The following FAM120AOS variants were observed in gnomAD, a reference collection of about 807,000 sequenced individuals.
FAM120AOS encodes the protein uncharacterized protein FAM120AOS.
FAM120AOS carries 15 observed loss-of-function variants against 20.2 expected under a neutral mutation model. The observed-to-expected ratio is 0.74, with a 90% confidence interval of 0.50 to 1.15. The LOEUF (loss-of-function observed/expected upper bound fraction) is 1.15, where lower values mean the gene tolerates loss of function less well. Ranked by LOEUF, FAM120AOS falls within the 50% of genes most tolerant of loss-of-function variation. FAM120AOS has a pLI of 0.00. For synonymous variants in FAM120AOS, 154 were observed against 154.0 expected (o/e 1.00, Z 0.00); for missense variants, 327 against 351.9 (o/e 0.93, Z 0.57).
chr9:93,452,957 A>G lies in FAM120AOS; in HGVS notation c.-248T>C. ...GGGCCAGTGCCCTGGCCTCTACTTC[A>G]GAACGCAGTGCCCTGTCCGTGTTCC... On this transcript the variant is annotated 5_prime_UTR_variant, in exon 1 of 3. Coordinates refer to ENST00000375412, the MANE Select transcript of FAM120AOS (RefSeq NM_198841.4). The surrounding 1 kb of genome is among the most constrained non-coding windows in gnomAD (Gnocchi z 7.0). The G allele has an allele frequency of 7.2e-7, 1 of 1,381,334 alleles. No homozygotes were observed. The highest frequency in any genetic ancestry group is 2.9e-5 in the East Asian group (1 of 34,800). The allele number at this position is 1,381,334 out of a possible 1,614,324, so 85.6% of individuals were successfully genotyped here. A position where few individuals can be genotyped will look rare whatever the true frequency, so the allele number is the denominator to read the frequency against.
Position 93,452,218 on chromosome 9 carries a change from G to A in FAM120AOS, c.492C>T (p.Phe164=), listed in dbSNP as rs1416988256. Reference sequence around the variant, plus strand: ...TCGTCTTCTTCAACGGCGCGCTCGAGAAGGCCCGGCTGCACGAGTGGGTCA... The same window carrying A: ...TCGTCTTCTTCAACGGCGCGCTCGAAAAGGCCCGGCTGCACGAGTGGGTCA... ...CRLTHSCSRA[F]SSAPLKKTKS... Residue 164 remains phenylalanine, a synonymous_variant, in exon 1 of 3, where the codon TTC becomes TTT. Coordinates refer to ENST00000375412, the MANE Select transcript of FAM120AOS (RefSeq NM_198841.4). This position sits in a 1 kb window ranked among gnomAD's most constrained non-coding sequence, Gnocchi z 7.0. 3 of 1,611,518 alleles carry A rather than the reference G, an allele frequency of 1.9e-6. No individual in the cohort carries two copies. Among genetic ancestry groups the A allele is most frequent in the African/African-American group, 2.7e-5 (2 of 74,994 alleles).
Position 93,452,676 on chromosome 9 carries a change from T to C in FAM120AOS, c.34A>G (p.Thr12Ala), listed in dbSNP as rs1301725385. The change falls in exon 1 of 3, where the codon ACT (threonine) becomes GCT (alanine). Residue 12 changes from threonine to alanine, a missense_variant. Coordinates refer to ENST00000375412, the MANE Select transcript of FAM120AOS (RefSeq NM_198841.4). The surrounding 1 kb of genome is among the most constrained non-coding windows in gnomAD (Gnocchi z 7.0). ...GKTKDIGDDD[T>A]VASEFWSGAL... ...CCGGACCAGAATTCGGAGGCGACAG[T>C]GTCATCATCCCCAATATCCTTAGTT... 1 of 1,598,794 alleles carries C rather than the reference T, an allele frequency of 6.3e-7. No individual in the cohort carries two copies. Among genetic ancestry groups the C allele is most frequent in the Non-Finnish European group, 8.5e-7 (1 of 1,179,894 alleles).
rs1409059579 is a variant in FAM120AOS at position 93,446,474 on chromosome 9, T to C, written c.*1137A>G. 4 of 149,298 alleles carry C rather than the reference T, an allele frequency of 2.7e-5. No individual in the cohort carries two copies. The highest frequency in any genetic ancestry group is 9.9e-5 in the African/African-American group (4 of 40,598). The allele number at this position is 149,298 out of a possible 1,614,324, so 9.2% of individuals were successfully genotyped here. The stretch of plus-strand genomic sequence containing the variant: ...CTTTATACTTACGGGAATTCCTAAT[T>C]AAAAAAAAAACTCACTTGATTTATA... On this transcript the variant is annotated 3_prime_UTR_variant, in exon 3 of 3. Transcript: ENST00000375412.
rs1232443622 is a variant in FAM120AOS, at chr9:93,452,619, G to C, written c.91C>G (p.Arg31Gly). Reference protein sequence around the residue: ...ALSQPSSVPTRPRTPNRDSWR... With the variant: ...ALSQPSSVPTGPRTPNRDSWR... ...CTGTCCCTGTTCGGGGTCCGCGGCC[G>C]CGTGGGGACACTTGAGGGCTGGGAG... is the stretch of plus-strand genomic sequence containing the variant. Residue 31 changes from arginine to glycine, a missense_variant, in exon 1 of 3, where the codon CGG becomes GGG. By Grantham distance (125) the Arg-to-Gly change is moderately radical. Transcript: ENST00000375412. The surrounding 1 kb of genome is among the most constrained non-coding windows in gnomAD (Gnocchi z 7.0). 2.5e-6 allele frequency: 4 copies of C among 1,599,128 alleles called. No homozygotes were observed. The highest frequency in any genetic ancestry group is 3.4e-6 in the Non-Finnish European group (4 of 1,179,858).
At chr9:93,451,249 A>AGAGT (rs1857163967) in intron 1 of FAM120AOS, 1 of 1,509,176 alleles carries the variant, frequency 6.6e-7, no homozygotes, top group South Asian at 1.2e-5. Context: ...CCCGACGAAC[A>AGAGT]GAGTGACTCG....
chr9:93,444,465 C>A lies in FAM120AOS; in HGVS notation c.*3146G>T, dbSNP rs551543196. Among the ~76,000 whole-genome samples, 4 of 152,300 alleles carry A rather than the reference C, an allele frequency of 2.6e-5. No homozygotes were observed. Among genetic ancestry groups the A allele is most frequent in the East Asian group, 3.9e-4 (2 of 5,190 alleles). On this transcript the variant is annotated 3_prime_UTR_variant, in exon 3 of 3. Coordinates refer to ENST00000375412, the MANE Select transcript of FAM120AOS (RefSeq NM_198841.4). ...TTTACCAGAATGTTTTAAGAAAGTT[C>A]CAGACTGTTTTCCCATCAGCTGTGT...
At chr9:93,448,912 T>C (rs189284929) in intron 2 of FAM120AOS, among the ~76,000 whole-genome samples, 3,617 of 152,164 alleles carry the variant, frequency 0.024, 71 homozygotes, top group Middle Eastern at 0.031. Context: ...CGTGAGCCAC[T>C]GCGCCCGGCC....
rs1324702496 is a variant in FAM120AOS, at chr9:93,446,301, A to G, written c.*1310T>C. On this transcript the variant is annotated 3_prime_UTR_variant, in exon 3 of 3. Coordinates refer to ENST00000375412, the MANE Select transcript of FAM120AOS (RefSeq NM_198841.4). ...AGACTCCTCAGAGGAAGTCAGCTTC[A>G]TGTGATCTAGGTTACTCAAGCCTGG... is the stretch of plus-strand genomic sequence containing the variant. Among the ~76,000 whole-genome samples the G allele has an allele frequency of 6.6e-6, 1 of 152,188 alleles. No individual in the cohort carries two copies. The highest frequency in any genetic ancestry group is 1.5e-5 in the Non-Finnish European group (1 of 68,034).
rs940049497 is a variant in FAM120AOS, at chr9:93,449,306, T to C, written c.684+1173A>G. Among the ~76,000 whole-genome samples, 4 of 152,138 alleles carry C rather than the reference T, an allele frequency of 2.6e-5. No homozygotes were observed. The South Asian group carries it at 6.2e-4, about 24-fold the overall frequency. On this transcript the variant is annotated intron_variant, in intron 2 of 2. Coordinates refer to ENST00000375412, the MANE Select transcript of FAM120AOS (RefSeq NM_198841.4). ...TAATCCTTATAACAACCTGGGAGGT[T>C]AAGTACTATTAATATGTTGATTTTA... is the stretch of plus-strand genomic sequence containing the variant.
chr9:93,448,098 A>C (rs1202971906), intron 2 of FAM120AOS, among the ~76,000 whole-genome samples: 1 of 152,214 alleles, frequency 6.6e-6, no homozygotes, highest in African/African-American at 2.4e-5. Context: ...TCTGCTAATG[A>C]TTACATGGGC....
intron 2 of FAM120AOS, among the ~76,000 whole-genome samples, chr9:93,449,996 T>G (rs1413564722): frequency 1.3e-5 from 2 of 152,162 alleles, no homozygotes; most frequent in Non-Finnish European, 2.9e-5. Flanking sequence ...ATTTATTTAT[T>G]TATTTTTGAG....
In FAM120AOS at chr9:93,452,855, T is replaced by G. The variant is rs988391811; in HGVS notation, c.-146A>C. 1.3e-6 allele frequency: 2 copies of G among 1,487,680 alleles called. No individual in the cohort carries two copies. The highest frequency in any genetic ancestry group is 1.4e-5 in the African/African-American group (1 of 70,892). 92.2% of individuals were successfully genotyped at this position (1,487,680 alleles called of 1,614,324 possible). On this transcript the variant is annotated 5_prime_UTR_variant, in exon 1 of 3. Transcript: ENST00000375412. This position sits in a 1 kb window ranked among gnomAD's most constrained non-coding sequence, Gnocchi z 7.0. Reference sequence around the variant, plus strand: ...ATAGAGGGGGTTTCGCCAGAGCCCTTGGGGGCTGCAAATATCAGTGCTGCT... The same window carrying G: ...ATAGAGGGGGTTTCGCCAGAGCCCTGGGGGGCTGCAAATATCAGTGCTGCT...
chr9:93,444,345 A>T lies in FAM120AOS; in HGVS notation c.*3266T>A, dbSNP rs1271489687. Reference sequence around the variant, plus strand: ...GTGAGCCACCGTGTCCAGCCTGACTAGGGTCATCTTTAGGTCAGGACTGAG... The same window carrying T: ...GTGAGCCACCGTGTCCAGCCTGACTTGGGTCATCTTTAGGTCAGGACTGAG... On this transcript the variant is annotated 3_prime_UTR_variant, in exon 3 of 3. Transcript: ENST00000375412. 6.6e-6 allele frequency among the ~76,000 whole-genome samples: 1 copy of T among 152,046 alleles called. No individual in the cohort carries two copies. The highest frequency in any genetic ancestry group is 1.5e-5 in the Non-Finnish European group (1 of 67,988).
rs1034301219 is a variant in FAM120AOS, at chr9:93,447,392, T to C, written c.*219A>G. The C allele has an allele frequency of 1.3e-5, 7 of 539,428 alleles. No individual in the cohort carries two copies. The African/African-American group carries it at 1.3e-4, about 10-fold the overall frequency. The allele number at this position is 539,428 out of a possible 1,614,324, so 33.4% of individuals were successfully genotyped here. On this transcript the variant is annotated 3_prime_UTR_variant, in exon 3 of 3. Coordinates refer to ENST00000375412, the MANE Select transcript of FAM120AOS (RefSeq NM_198841.4). ...TTTTCTTGTTGACTCTACTCTGACT[T>C]AGGACATATCACTTTCCTCTCTTGA...
chr9:93,453,583 A>T, upstream of FAM120AOS: 1 of 985,400 alleles, frequency 1.0e-6, no homozygotes, highest in South Asian at 4.7e-5. Flanking sequence ...GTTAAGCCTA[A>T]AATGATAGCG....
At chr9:93,450,874 A>G (rs1857124189) in intron 1 of FAM120AOS, 5 of 931,844 alleles carry the variant, frequency 5.4e-6, no homozygotes, top group Non-Finnish European at 8.6e-6. Context: ...TGGGAGATCC[A>G]CTGCAAAGGC....
chr9:93,449,492 A>ATTTTTTTT lies in FAM120AOS; in HGVS notation c.684+979_684+986dup, dbSNP rs10667664. Reference sequence around the variant, plus strand: ...CAGAATTCCAGATACTGGCACTGGCATTTTTTTTTTTTTTTTTTTTTGAGA... The same window carrying ATTTTTTTT: ...CAGAATTCCAGATACTGGCACTGGCATTTTTTTTTTTTTTTTTTTTTTTTTTTTTGAGA... On this transcript the variant is annotated intron_variant, in intron 2 of 2. Coordinates refer to ENST00000375412, the MANE Select transcript of FAM120AOS (RefSeq NM_198841.4). Among the ~76,000 whole-genome samples, 83 of 109,504 alleles carry ATTTTTTTT rather than the reference A, an allele frequency of 7.6e-4. 1 individual carries two copies. The highest frequency in any genetic ancestry group is 2.9e-3 in the East Asian group (11 of 3,752). The allele number at this position is 109,504 out of a possible 152,430, so 71.8% of individuals were successfully genotyped here.
At chr9:93,451,696 AGCGGCGGCAGCG>A (rs1385364798) in intron 1 of FAM120AOS, 20 of 964,734 alleles carry the variant, frequency 2.1e-5, no homozygotes, top group Admixed American at 7.2e-5. Context: ...TCGGCCTCGC[AGCGGCGGCAGCG>A]GCGGCGGCGG....
intron 1 of FAM120AOS, chr9:93,451,842 CGCGCGCCA>C: frequency 5.2e-6 from 5 of 968,580 alleles, no homozygotes; most frequent in Non-Finnish European, 6.1e-6. Flanking sequence ...CCAGCCCGCC[CGCGCGCCA>C]CGGCCCCACC....
Sources: gnomAD v4.1 joint callset for allele counts (sites outside exome capture counted in the v4.1 genomes callset) on GRCh38, gnomAD v4.1.1 for gene constraint, Gnocchi (gnomAD v3.1) non-coding constraint, MANE v1.5 for transcripts, NCBI Gene and HGNC (gene_info 2026-07-23, HGNC 2026-07-21) for gene names.